Variants in DPP6 observed in about 807,000 individuals in gnomAD.
DPP6 encodes the protein A-type potassium channel modulatory protein DPP6.
DPP6 carries 69 observed loss-of-function variants against 122.6 expected under a neutral mutation model. That is an observed-to-expected ratio of 0.56 (90% confidence interval 0.46 to 0.69). The LOEUF (loss-of-function observed/expected upper bound fraction) is 0.69, where lower values mean the gene tolerates loss of function less well. DPP6 is among the 30% of genes least tolerant of loss of function. The pLI, the probability that DPP6 is intolerant of heterozygous loss-of-function variation, is 0.00. For synonymous variants in DPP6, 418 were observed against 433.1 expected (o/e 0.97, Z 0.43); for missense variants, 928 against 1,116.9 (o/e 0.83, Z 2.41).
chr7:153,875,632 CA>C, the DPP6 span, among the ~76,000 whole-genome samples: 2 of 151,714 alleles, frequency 1.3e-5, no homozygotes, highest in East Asian at 3.9e-4. Flanking sequence ...ATATGATTAT[CA>C]ATATAAGATT....
At chr7:154,852,902 A>G (rs1440178954) in intron 16 of DPP6, among the ~76,000 whole-genome samples, 1 of 152,028 alleles carries the variant, frequency 6.6e-6, no homozygotes, top group Non-Finnish European at 1.5e-5. Flanking sequence ...AAGGAAACAC[A>G]GGCCATGGCA....
chr7:154,224,279 G>A (rs1420726976), intron 1 of DPP6, among the ~76,000 whole-genome samples: 2 of 148,788 alleles, frequency 1.3e-5, no homozygotes, highest in Non-Finnish European at 2.9e-5. Flanking sequence ...CTGAGATTGC[G>A]CCACTGCACT....
chr7:154,777,709 A>G (rs1005671935), intron 10 of DPP6, among the ~76,000 whole-genome samples: 1 of 152,000 alleles, frequency 6.6e-6, no homozygotes, highest in South Asian at 2.1e-4. Flanking sequence ...GCCTCCAAAG[A>G]TCCTGTTTGG....
At chr7:154,320,223 G>A (rs532828609) in intron 1 of DPP6, among the ~76,000 whole-genome samples, 1 of 152,100 alleles carries the variant, frequency 6.6e-6, no homozygotes, top group African/African-American at 2.4e-5. Context: ...CCGAGTCTTT[G>A]GAATGGCATG....
In DPP6 at chr7:154,885,660, A is replaced by G; in HGVS notation, c.2161A>G (p.Ile721Val). The change falls in exon 22 of 26, where the codon ATC becomes GTC. Residue 721 changes from isoleucine (I) to valine (V), a missense_variant. By Grantham distance (29) the Ile-to-Val change is conservative. Transcript: ENST00000377770. Reference protein sequence around the residue: ...KDYGGYLSTYILPAKGENQGQ... With the variant: ...KDYGGYLSTYVLPAKGENQGQ... The stretch of plus-strand genomic sequence containing the variant: ...TTACGGTGGCTACCTGAGCACCTAC[A>G]TCCTCCCAGCAAAGGGAGAAAATCA... The G allele has an allele frequency of 1.3e-6, 2 of 1,586,398 alleles. No homozygotes were observed. The highest frequency in any genetic ancestry group is 1.3e-5 in the African/African-American group (1 of 74,400).
chr7:154,379,734 A>C (rs1267226812), intron 1 of DPP6, among the ~76,000 whole-genome samples: 1 of 152,244 alleles, frequency 6.6e-6, no homozygotes, highest in East Asian at 1.9e-4. Flanking sequence ...TAGAATATTC[A>C]TGTGTAATTT....
At chr7:153,985,156 G>A (rs191319829) in intron 1 of DPP6, among the ~76,000 whole-genome samples, 126 of 152,346 alleles carry the variant, frequency 8.3e-4, no homozygotes, top group African/African-American at 3.0e-3. Context: ...TGAGAGTGGA[G>A]GTCCATGTTT....
At chr7:154,417,123 T>C (rs1817090755) in intron 1 of DPP6, among the ~76,000 whole-genome samples, 1 of 152,030 alleles carries the variant, frequency 6.6e-6, no homozygotes, top group Non-Finnish European at 1.5e-5. Flanking sequence ...ACCCAGGAGG[T>C]GAATGAAGCA....
At chr7:154,847,064 G>A (rs1801999849) in intron 16 of DPP6, among the ~76,000 whole-genome samples, 1 of 152,172 alleles carries the variant, frequency 6.6e-6, no homozygotes, top group Non-Finnish European at 1.5e-5. Context: ...CTGCCTTCTT[G>A]TGCACAGGTG....
intron 16 of DPP6, among the ~76,000 whole-genome samples, chr7:154,830,985 C>T (rs1800584770): frequency 6.6e-6 from 1 of 152,204 alleles, no homozygotes; most frequent in Non-Finnish European, 1.5e-5. Flanking sequence ...GAACCTTCTC[C>T]AGGATTCTCT....
intron 1 of DPP6, among the ~76,000 whole-genome samples, chr7:154,152,460 G>C (rs1796473513): frequency 6.6e-6 from 1 of 152,126 alleles, no homozygotes; most frequent in African/African-American, 2.4e-5. Context: ...CCATAACCTT[G>C]GTATTCTTGT....
At chr7:154,093,285 C>T (rs1805011493) in intron 1 of DPP6, among the ~76,000 whole-genome samples, 1 of 145,854 alleles carries the variant, frequency 6.9e-6, no homozygotes, top group African/African-American at 2.6e-5. Context: ...TCATACACAC[C>T]ATACACACAC....
chr7:154,848,563 G>T (rs970884584), intron 16 of DPP6, among the ~76,000 whole-genome samples: 4 of 152,058 alleles, frequency 2.6e-5, no homozygotes, highest in Non-Finnish European at 5.9e-5. Flanking sequence ...TTGGTTATTA[G>T]CCCCTTATGT....
chr7:154,108,630 A>G (rs1806337850), intron 1 of DPP6, among the ~76,000 whole-genome samples: 1 of 152,212 alleles, frequency 6.6e-6, no homozygotes, highest in Non-Finnish European at 1.5e-5. Flanking sequence ...TCAGTGCGTA[A>G]CAAACACAGG....
intron 20 of DPP6, among the ~76,000 whole-genome samples, chr7:154,879,306 C>T (rs1305029119): frequency 3.2e-5 from 3 of 92,692 alleles, no homozygotes; most frequent in Admixed American, 2.8e-4. Flanking sequence ...ATCGGCCGGG[C>T]GCGGTGGCTC....
intron 1 of DPP6, among the ~76,000 whole-genome samples, chr7:154,284,040 C>T (rs1804691917): frequency 6.6e-6 from 1 of 152,070 alleles, no homozygotes; most frequent in Admixed American, 6.6e-5. Context: ...GTTAGATAAG[C>T]GTGGTGAGAA....
rs150140120 is a variant in DPP6 at position 154,405,217 on chromosome 7, C to T, written c.244-40997C>T. 7.2e-5 allele frequency among the ~76,000 whole-genome samples: 11 copies of T among 152,236 alleles called. No homozygotes were observed. The East Asian group carries it at 1.9e-3, about 27-fold the overall frequency. On this transcript the variant is annotated intron_variant, in intron 1 of 25. Transcript: ENST00000377770. ...TTAGCTCAAGCAACAATCATACACC[C>T]ATTAAATTACATAGCGCTTCCTCCA...
At chr7:154,679,723 A>C (rs1309279404) in intron 7 of DPP6, among the ~76,000 whole-genome samples, 1 of 152,196 alleles carries the variant, frequency 6.6e-6, no homozygotes, top group East Asian at 1.9e-4. Context: ...AAAAGCCTCT[A>C]ATCAGCTTGG....
intron 10 of DPP6, among the ~76,000 whole-genome samples, chr7:154,780,883 A>T (rs1796979310): frequency 6.6e-6 from 1 of 152,130 alleles, no homozygotes; most frequent in South Asian, 2.1e-4. Flanking sequence ...GGAGGGATGG[A>T]TTATGAATAG....
Sources: allele counts gnomAD v4.1 joint callset (sites outside exome capture counted in the v4.1 genomes callset), GRCh38; gene constraint gnomAD v4.1.1; transcripts MANE v1.5; gene names NCBI Gene and HGNC (gene_info 2026-07-23, HGNC 2026-07-21).